The following OPCML variants were observed in gnomAD, a reference collection of about 807,000 sequenced individuals.
OPCML encodes the protein opioid binding protein/cell adhesion molecule like, also known as opioid-binding protein/cell adhesion molecule.
A neutral mutation model predicts 37.8 loss-of-function variants in OPCML; 13 were observed. That is an observed-to-expected ratio of 0.34 (90% CI 0.22 to 0.55). OPCML has a LOEUF of 0.55. Among genes scored for constraint, OPCML ranks in the 20% least tolerant of loss-of-function variants. OPCML has a pLI of 0.91. For missense variants in OPCML, 341 were observed against 435.6 expected, an observed-to-expected ratio of 0.78 and a Z score of 1.93; for synonymous variants, 176 against 168.8, an observed-to-expected ratio of 1.04 and a Z score of -0.33.
chr11:133,184,353 G>A (rs1026254059), intron 1 of OPCML, among the ~76,000 whole-genome samples: 4 of 152,174 alleles, frequency 2.6e-5, no homozygotes, highest in African/African-American at 9.7e-5. Context: ...ATGGAGGTGG[G>A]ATTAGTCTTC....
chr11:133,421,927 AG>A, intron 1 of OPCML: 1 of 362,822 alleles, frequency 2.8e-6, no homozygotes, highest in Non-Finnish European at 3.8e-6. Flanking sequence ...TCTTGGGAGT[AG>A]GTTTTTATGC....
intron 1 of OPCML, among the ~76,000 whole-genome samples, chr11:133,035,447 A>G (rs780213460): frequency 2.6e-5 from 4 of 152,082 alleles, no homozygotes; most frequent in Admixed American, 2.0e-4. Context: ...GGACATCAAG[A>G]CTCCTCACAT....
chr11:132,979,139 C>T (rs1039060121), intron 1 of OPCML, among the ~76,000 whole-genome samples: 2 of 152,180 alleles, frequency 1.3e-5, no homozygotes, highest in African/African-American at 4.8e-5. Context: ...GAATCCCATG[C>T]CTTCTCCCTC....
chr11:133,271,159 T>A (rs1941817042), intron 1 of OPCML, among the ~76,000 whole-genome samples: 1 of 152,210 alleles, frequency 6.6e-6, no homozygotes, highest in African/African-American at 2.4e-5. Flanking sequence ...CTAAATTCCC[T>A]ACTCTATAAA....
chr11:132,558,257 C>T (rs1248457955), intron 3 of OPCML, among the ~76,000 whole-genome samples: 1 of 149,380 alleles, frequency 6.7e-6, no homozygotes, highest in Non-Finnish European at 1.5e-5. Context: ...TCTTCTTCCT[C>T]TTCCTTCTCC....
chr11:133,007,472 C>T, intron 1 of OPCML: 1 of 985,418 alleles, frequency 1.0e-6, no homozygotes, highest in Non-Finnish European at 1.2e-6. Context: ...GCTGATTATT[C>T]TATTAATTTG....
intron 3 of OPCML, among the ~76,000 whole-genome samples, chr11:132,547,420 C>T (rs1482593408): frequency 6.6e-6 from 1 of 152,078 alleles, no homozygotes; most frequent in Non-Finnish European, 1.5e-5. Flanking sequence ...TGCTGAAGAC[C>T]GTTGGTGGAG....
chr11:132,574,420 C>G (rs959343000), intron 3 of OPCML, among the ~76,000 whole-genome samples: 1 of 151,482 alleles, frequency 6.6e-6, no homozygotes, highest in Admixed American at 6.6e-5. Flanking sequence ...CTTAGTATTA[C>G]TTACTATTGC....
chr11:132,640,141 C>T (rs1379955975), intron 3 of OPCML, among the ~76,000 whole-genome samples: 1 of 152,204 alleles, frequency 6.6e-6, no homozygotes, highest in Non-Finnish European at 1.5e-5. Flanking sequence ...ATTCCACAGA[C>T]TTCCACAGCA....
At chr11:133,269,108 A>T (rs548651253) in intron 1 of OPCML, among the ~76,000 whole-genome samples, 258 of 152,218 alleles carry the variant, frequency 1.7e-3, no homozygotes, top group Non-Finnish European at 3.1e-3. Context: ...TGCAACAAAG[A>T]CTCTTCAAGT....
At chr11:132,437,739 T>C (rs1365763640) in intron 4 of OPCML, among the ~76,000 whole-genome samples, 1 of 152,244 alleles carries the variant, frequency 6.6e-6, no homozygotes, top group African/African-American at 2.4e-5. Flanking sequence ...AATAAAACTA[T>C]GGAATAACTT....
At chr11:133,480,402 G>T (rs1811214413) in intron 1 of OPCML, among the ~76,000 whole-genome samples, 1 of 152,238 alleles carries the variant, frequency 6.6e-6, no homozygotes, top group African/African-American at 2.4e-5. Flanking sequence ...GCATCCCACT[G>T]CCTTCTGCTT....
At position 132,943,543 on chromosome 11, in the gene OPCML, A is replaced by T. The variant is rs1300738402; in HGVS notation, c.62-533T>A. 1.1e-5 allele frequency: 2 copies of T among 185,828 alleles called. No individual in the cohort carries two copies. Among genetic ancestry groups the T allele is most frequent in the Admixed American group, 5.3e-5 (1 of 18,900 alleles). 11.5% of individuals were successfully genotyped at this position (185,828 alleles called of 1,614,324 possible). Reference sequence around the variant, plus strand: ...GTGTCTCTGACATACAGGAGCTGTCATAAAAAGCTGCGGCTTCAAGGAGAG... The same window carrying T: ...GTGTCTCTGACATACAGGAGCTGTCTTAAAAAGCTGCGGCTTCAAGGAGAG... On this transcript the variant is annotated intron_variant, in intron 1 of 7. Transcript: ENST00000524381. This position sits in a 1 kb window ranked among gnomAD's most constrained non-coding sequence, Gnocchi z 4.3.
chr11:132,726,508 ATT>A (rs11454717), intron 2 of OPCML, among the ~76,000 whole-genome samples: 6 of 149,602 alleles, frequency 4.0e-5, no homozygotes, highest in African/African-American at 9.8e-5. Flanking sequence ...CCATATCAAC[ATT>A]TTTTTTTTTT....
intron 1 of OPCML, among the ~76,000 whole-genome samples, chr11:133,184,266 G>A (rs1299394594): frequency 6.6e-6 from 1 of 152,098 alleles, no homozygotes; most frequent in Admixed American, 6.6e-5. Flanking sequence ...TATGCCAAGT[G>A]GGAAAAAAGG....
intron 1 of OPCML, among the ~76,000 whole-genome samples, chr11:133,215,326 A>T (rs549852098): frequency 3.9e-5 from 6 of 152,158 alleles, no homozygotes; most frequent in Admixed American, 3.9e-4. Flanking sequence ...GATGAACTCT[A>T]GTCATTCTTT....
intron 1 of OPCML, among the ~76,000 whole-genome samples, chr11:133,499,406 C>A (rs182037442): frequency 6.6e-6 from 1 of 152,156 alleles, no homozygotes; most frequent in Non-Finnish European, 1.5e-5. Flanking sequence ...CATTTCCAAT[C>A]GGGAAACAAA....
intron 1 of OPCML, among the ~76,000 whole-genome samples, chr11:133,391,889 T>C (rs747637503): frequency 3.3e-5 from 5 of 152,170 alleles, no homozygotes; most frequent in Non-Finnish European, 5.9e-5. Context: ...CAAAGTTCAG[T>C]AATTCAGTAA....
intron 2 of OPCML, among the ~76,000 whole-genome samples, chr11:132,872,609 G>A (rs1942851409): frequency 6.6e-6 from 1 of 152,164 alleles, no homozygotes; most frequent in Non-Finnish European, 1.5e-5. Flanking sequence ...AAAGGACTCT[G>A]AGGCCCAGAA....
Sources: allele counts gnomAD v4.1 joint callset (sites outside exome capture counted in the v4.1 genomes callset), GRCh38; gene constraint gnomAD v4.1.1; non-coding constraint Gnocchi (gnomAD v3.1); transcripts MANE v1.5; gene names NCBI Gene and HGNC (gene_info 2026-07-23, HGNC 2026-07-21).